Variants in DAW1 observed in about 807,000 individuals in gnomAD.
DAW1 encodes dynein assembly factor with WD repeat domains 1.
Under a neutral mutation model 56.5 loss-of-function variants are expected in DAW1, and 47 were observed. The ratio of observed to expected loss-of-function variants is 0.83; its 90% CI spans 0.66 to 1.06. The LOEUF is 1.06. DAW1 is among the 50% of genes least tolerant of loss of function. The probability of loss-of-function intolerance (pLI) is 0.00; values close to 1 mark genes in which losing one functional copy is unlikely to be tolerated. For missense variants in DAW1, 505 were observed against 499.3 expected (o/e 1.01, Z -0.11); for synonymous variants, 190 against 179.0 (o/e 1.06, Z -0.49).
At chr2:227,905,630 G>A (rs1037192945) in intron 8 of DAW1, among the ~76,000 whole-genome samples, 1 of 152,148 alleles carries the variant, frequency 6.6e-6, no homozygotes, top group African/African-American at 2.4e-5. Context: ...GCACTCACCC[G>A]GTGTAAGACT....
At chr2:227,875,927 G>A (rs72968988) in intron 1 of DAW1, among the ~76,000 whole-genome samples, 64 of 152,160 alleles carry the variant, frequency 4.2e-4, no homozygotes, top group Non-Finnish European at 8.8e-4. Flanking sequence ...GATGATGTGT[G>A]TTAAGCAGAA....
Position 227,889,911 on chromosome 2 carries a change from G to T in DAW1, c.169G>T (p.Ala57Ser). ...CCAGAAGGCAGAACCTCTACTCACA[G>T]CTTCACGAACAGAGCAAGTCAAACT... is the stretch of plus-strand genomic sequence containing the variant. ...EIQKAEPLLT[A>S]SRTEQVKLLI... Residue 57 changes from alanine (A) to serine (S), a missense_variant, in exon 3 of 13, where the codon GCT (alanine) becomes TCT (serine). Transcript: ENST00000309931. 1 of 1,610,908 alleles carries T rather than the reference G, an allele frequency of 6.2e-7. No homozygotes were observed. The highest frequency in any genetic ancestry group is 1.7e-4 in the Middle Eastern group (1 of 6,058).
rs111509224 is a variant in DAW1, at chr2:227,916,418, G to A, written c.974-2362G>A. Among the ~76,000 whole-genome samples, 629 of 152,114 alleles carry A rather than the reference G, an allele frequency of 4.1e-3. 6 individuals carry two copies. Among genetic ancestry groups the A allele is most frequent in the African/African-American group, 0.015 (610 of 41,512 alleles). ...GTACATATGATGCTGTTATGACTGC[G>A]TTGTCTCTTTGGTAACTATGTATGA... On this transcript the variant is annotated intron_variant, in intron 10 of 12. Coordinates refer to ENST00000309931, the MANE Select transcript of DAW1 (RefSeq NM_178821.3).
intron 10 of DAW1, among the ~76,000 whole-genome samples, chr2:227,908,161 C>G (rs1474753173): frequency 6.6e-6 from 1 of 152,208 alleles, no homozygotes; most frequent in Non-Finnish European, 1.5e-5. Flanking sequence ...GATATTGTGT[C>G]TGTCTTATCG....
At chr2:227,902,967 T>C (rs763580006) in intron 6 of DAW1, 35 bp from the exon 7 acceptor site, 2 of 1,595,624 alleles carry the variant, frequency 1.3e-6, no homozygotes, top group Non-Finnish European at 1.7e-6. Flanking sequence ...TGAAACTCTG[T>C]CTTCCTAAAA....
chr2:227,888,558 G>A lies in DAW1; in HGVS notation c.114-1298G>A, dbSNP rs570328430. Among the ~76,000 whole-genome samples, 231 of 152,330 alleles carry A rather than the reference G, an allele frequency of 1.5e-3. 1 individual carries two copies. Among genetic ancestry groups the A allele is most frequent in the Admixed American group, 3.9e-3 (60 of 15,298 alleles). ...GCTCTGCCCCTGCTCAGCTGTGGAC[G>A]GAGAGCCACCAGAGAAGAGGCAGCC... On this transcript the variant is annotated intron_variant, in intron 2 of 12. Transcript: ENST00000309931.
intron 3 of DAW1, 21 bp downstream of exon 3, chr2:227,890,021 C>A (rs760625811): frequency 1.3e-6 from 2 of 1,496,648 alleles, no homozygotes; most frequent in Admixed American, 2.5e-5. Flanking sequence ...TAAAAACAAT[C>A]AGATAGAAGA....
intron 1 of DAW1, chr2:227,872,101 C>T: frequency 4.3e-6 from 1 of 230,200 alleles, no homozygotes. Context: ...TACTTAGTAA[C>T]ATAAGCAATA....
rs71422211 is a variant in DAW1 at position 227,913,881 on chromosome 2, A to ATCTGTCTG, written c.974-4867_974-4860dup. On this transcript the variant is annotated intron_variant, in intron 10 of 12. Coordinates refer to ENST00000309931, the MANE Select transcript of DAW1 (RefSeq NM_178821.3). The stretch of plus-strand genomic sequence containing the variant: ...CAGAAGACAGTCATCATATCTATCT[A>ATCTGTCTG]TCTGTCTGTCTGTCTGTCTGTCTGT... Among the ~76,000 whole-genome samples, 7 of 120,506 alleles carry ATCTGTCTG rather than the reference A, an allele frequency of 5.8e-5. No individual in the cohort carries two copies. The South Asian group carries it at 7.5e-4, about 13-fold the overall frequency. 79.1% of individuals were successfully genotyped at this position (120,506 alleles called of 152,430 possible).
intron 10 of DAW1, among the ~76,000 whole-genome samples, chr2:227,911,277 CGT>C (rs1559312605): frequency 1.5e-5 from 2 of 132,298 alleles, no homozygotes; most frequent in African/African-American, 5.6e-5. Context: ...CACATATACA[CGT>C]GTATATATAC....
intron 10 of DAW1, among the ~76,000 whole-genome samples, chr2:227,910,495 A>AACACACACAC (rs55741229): frequency 0.035 from 5,042 of 145,280 alleles, 109 homozygotes; most frequent in African/African-American, 0.06. Context: ...TTTGTGGATG[A>AACACACACAC]ACACACACAC....
intron 5 of DAW1, among the ~76,000 whole-genome samples, chr2:227,894,887 A>C (rs901884920): frequency 2.0e-5 from 3 of 152,214 alleles, no homozygotes; most frequent in Non-Finnish European, 4.4e-5. Context: ...TTGTCAACCA[A>C]TGCGCTTATG....
intron 11 of DAW1, 112 bp from the exon 12 acceptor site, chr2:227,921,287 G>A (rs1692100482): frequency 9.5e-6 from 11 of 1,157,564 alleles, no homozygotes; most frequent in Non-Finnish European, 1.3e-5. Flanking sequence ...CTAGGAAGGT[G>A]ACATGTGCTG....
Position 227,893,926 on chromosome 2 carries a change from A to G in DAW1, c.440+9A>G. The G allele has an allele frequency of 6.4e-7, 1 of 1,572,902 alleles. No homozygotes were observed. The highest frequency in any genetic ancestry group is 8.6e-7 in the Non-Finnish European group (1 of 1,162,814). On this transcript the variant is annotated intron_variant, in intron 5 of 12. Coordinates refer to ENST00000309931, the MANE Select transcript of DAW1 (RefSeq NM_178821.3). ...TTCAACAATCCTTACGGGTGTGTTC[A>G]TCCCTTCACTTATTTGTTTATTAAT...
intron 1 of DAW1, among the ~76,000 whole-genome samples, chr2:227,879,943 T>C (rs1029872974): frequency 3.3e-5 from 5 of 152,202 alleles, no homozygotes; most frequent in African/African-American, 1.2e-4. Flanking sequence ...CTTTATTGTT[T>C]TATAGTTCAT....
chr2:227,899,912 G>A (rs1284851216), intron 6 of DAW1, among the ~76,000 whole-genome samples: 2 of 152,172 alleles, frequency 1.3e-5, no homozygotes, highest in African/African-American at 4.8e-5. Context: ...GCTTATTTAT[G>A]TACACCTTAA....
At chr2:227,889,209 G>T (rs537963337) in intron 2 of DAW1, among the ~76,000 whole-genome samples, 1 of 152,264 alleles carries the variant, frequency 6.6e-6, no homozygotes, top group Non-Finnish European at 1.5e-5. Context: ...GCCTTCCTAG[G>T]TGTCTTCATT....
At chr2:227,919,210 A>AAAAAAAAAAAAG (rs1692049932) in intron 11 of DAW1, among the ~76,000 whole-genome samples, 1 of 4,198 alleles carries the variant, frequency 2.4e-4, no homozygotes, top group Non-Finnish European at 1.2e-3. Flanking sequence ...AAAAAAAAAG[A>AAAAAAAAAAAAG]AAAAAAAAAA....
At position 227,908,992 on chromosome 2, in the gene DAW1, G is replaced by A. The variant is rs149106101; in HGVS notation, c.973+1740G>A. Among the ~76,000 whole-genome samples, 62 of 152,206 alleles carry A rather than the reference G, an allele frequency of 4.1e-4. No individual in the cohort carries two copies. In the East Asian group the frequency reaches 0.011, roughly 28 times the overall value. On this transcript the variant is annotated intron_variant, in intron 10 of 12. Transcript: ENST00000309931. ...TGATGACCACATATGATGCTATATT[G>A]TATCTATGTCATGTATCTGACTATG... is the stretch of plus-strand genomic sequence containing the variant.
Sources: gnomAD v4.1 joint callset for allele counts (sites outside exome capture counted in the v4.1 genomes callset) on GRCh38, gnomAD v4.1.1 for gene constraint, MANE v1.5 for transcripts, NCBI Gene and HGNC (gene_info 2026-07-23, HGNC 2026-07-21) for gene names.